Variants in COL21A1 observed in about 807,000 individuals in gnomAD.
COL21A1 encodes collagen type XXI alpha 1 chain, also known as collagen alpha-1(XXI) chain.
Under a neutral mutation model 137.9 loss-of-function variants are expected in COL21A1, and 149 were observed. The ratio of observed to expected loss-of-function variants is 1.08; its 90% confidence interval spans 0.95 to 1.24. The LOEUF is 1.24. Among genes scored for constraint, COL21A1 ranks in the 50% most tolerant of loss-of-function variants. The pLI is 0.00. For missense variants in COL21A1, 1,167 were observed against 1,158.4 expected (o/e 1.01, Z -0.11); for synonymous variants, 456 against 391.5 (o/e 1.16, Z -1.95).
chr6:56,177,199 A>G (rs939744160), intron 3 of COL21A1, among the ~76,000 whole-genome samples: 13 of 152,130 alleles, frequency 8.5e-5, no homozygotes, highest in Non-Finnish European at 1.3e-4. Flanking sequence ...GAGAAAGGAG[A>G]GTATTAGAGA....
At chr6:56,267,586 C>G (rs1405025488) in intron 1 of COL21A1, among the ~76,000 whole-genome samples, 3 of 151,762 alleles carry the variant, frequency 2.0e-5, no homozygotes, top group Admixed American at 2.0e-4. Context: ...GGCGAAAACC[C>G]ATCTCTACTA....
chr6:56,390,616 C>T (rs1008070239), intron 1 of COL21A1, among the ~76,000 whole-genome samples: 3 of 149,310 alleles, frequency 2.0e-5, no homozygotes, highest in Non-Finnish European at 4.5e-5. Context: ...GAAAAAATAT[C>T]CAATGCAAAT....
intron 16 of COL21A1, among the ~76,000 whole-genome samples, chr6:56,119,800 A>G (rs903545918): frequency 3.9e-5 from 6 of 152,288 alleles, no homozygotes; most frequent in African/African-American, 1.2e-4. Flanking sequence ...GAGAACATAC[A>G]CTAGGGAAAA....
At chr6:56,208,019 G>A (rs544740319) in intron 1 of COL21A1, among the ~76,000 whole-genome samples, 2 of 152,164 alleles carry the variant, frequency 1.3e-5, no homozygotes, top group Admixed American at 6.5e-5. Flanking sequence ...GCTAGGTATC[G>A]ATGGAATGTT....
chr6:56,389,441 G>A (rs2094024858), intron 1 of COL21A1, among the ~76,000 whole-genome samples: 1 of 150,888 alleles, frequency 6.6e-6, no homozygotes, highest in Non-Finnish European at 1.5e-5. Context: ...CATCAAGAAA[G>A]TAGACTTAAA....
At chr6:56,198,857 T>C (rs1324547289) in intron 1 of COL21A1, among the ~76,000 whole-genome samples, 1 of 152,138 alleles carries the variant, frequency 6.6e-6, no homozygotes, top group South Asian at 2.1e-4. Context: ...ATAACTATGG[T>C]GGCAGGAGTG....
chr6:56,385,061 G>T (rs762020084), intron 1 of COL21A1, among the ~76,000 whole-genome samples: 12 of 152,218 alleles, frequency 7.9e-5, no homozygotes, highest in Non-Finnish European at 1.6e-4. Context: ...CAGGCCAAGG[G>T]TGATGGAAAG....
intron 1 of COL21A1, among the ~76,000 whole-genome samples, chr6:56,390,239 GT>G (rs148549449): frequency 0.017 from 2,617 of 152,100 alleles, 76 homozygotes; most frequent in African/African-American, 0.059. Context: ...TTGTTTATTT[GT>G]TTTGCAATCA....
At chr6:56,145,974 T>C (rs939404601) in intron 10 of COL21A1, among the ~76,000 whole-genome samples, 2 of 152,040 alleles carry the variant, frequency 1.3e-5, no homozygotes, top group African/African-American at 4.8e-5. Context: ...TCAGGAAATA[T>C]GTATAGCATT....
chr6:56,207,821 A>T (rs370465763), intron 1 of COL21A1, among the ~76,000 whole-genome samples: 10 of 152,320 alleles, frequency 6.6e-5, no homozygotes, highest in African/African-American at 2.4e-4. Context: ...CAGCATATCA[A>T]AAACCTTATC....
At chr6:56,366,801 C>T (rs1227641803) in intron 1 of COL21A1, among the ~76,000 whole-genome samples, 1 of 152,194 alleles carries the variant, frequency 6.6e-6, no homozygotes, top group Non-Finnish European at 1.5e-5. Context: ...AACAGCACAA[C>T]ACTTTTAGCA....
intron 1 of COL21A1, among the ~76,000 whole-genome samples, chr6:56,358,452 G>T (rs944217954): frequency 2.6e-5 from 4 of 151,992 alleles, no homozygotes; most frequent in African/African-American, 4.8e-5. Context: ...TTCAAACGAT[G>T]ATTGCAAAGT....
intron 17 of COL21A1, among the ~76,000 whole-genome samples, chr6:56,099,699 TA>T (rs1210222200): frequency 1.4e-4 from 21 of 151,986 alleles, no homozygotes. Context: ...CACACACACC[TA>T]CTTTATATTC....
In COL21A1 at chr6:56,125,106, C is replaced by A. The variant is rs527901591; in HGVS notation, c.1650+461G>T. Among the ~76,000 whole-genome samples the A allele has an allele frequency of 2.0e-5, 3 of 148,264 alleles. No individual in the cohort carries two copies. In the East Asian group the frequency reaches 6.0e-4, roughly 29 times the overall value. ...CGTGATCTTGGCTCTCTGCAACCTC[C>A]GCCTCCCAGGTTCAAGTGATTCTCC... On this transcript the variant is annotated intron_variant, in intron 14 of 29. Transcript: ENST00000244728.
intron 9 of COL21A1, among the ~76,000 whole-genome samples, chr6:56,160,829 G>T (rs530578357): frequency 1.3e-5 from 2 of 152,300 alleles, no homozygotes; most frequent in African/African-American, 4.8e-5. Flanking sequence ...AATATTTTAA[G>T]TTGTTCATCC....
intron 1 of COL21A1, among the ~76,000 whole-genome samples, chr6:56,246,992 C>T (rs951636101): frequency 2.6e-5 from 4 of 152,196 alleles, no homozygotes; most frequent in African/African-American, 2.4e-5. Context: ...CCACTCAACA[C>T]AGCCCCAGAC....
chr6:56,106,008 C>T (rs991785005), intron 16 of COL21A1, among the ~76,000 whole-genome samples: 1 of 152,166 alleles, frequency 6.6e-6, no homozygotes, highest in Non-Finnish European at 1.5e-5. Context: ...CCTATGCTTA[C>T]GTTCAAAGTA....
chr6:56,307,633 T>C (rs1030535585), intron 1 of COL21A1, among the ~76,000 whole-genome samples: 1 of 152,208 alleles, frequency 6.6e-6, no homozygotes, highest in East Asian at 1.9e-4. Flanking sequence ...CCCCTGTCTT[T>C]GACTAGGAAA....
At chr6:56,289,763 T>C (rs1763997239) in intron 1 of COL21A1, among the ~76,000 whole-genome samples, 1 of 151,920 alleles carries the variant, frequency 6.6e-6, no homozygotes, top group Admixed American at 6.6e-5. Flanking sequence ...ACACAGGCTG[T>C]ACAGGGGATT....
Sources: allele counts gnomAD v4.1 joint callset (sites outside exome capture counted in the v4.1 genomes callset), GRCh38; gene constraint gnomAD v4.1.1; transcripts MANE v1.5; gene names NCBI Gene and HGNC (gene_info 2026-07-23, HGNC 2026-07-21).